The following PHF5A variants were observed in gnomAD, a reference collection of about 807,000 sequenced individuals.
The protein encoded by PHF5A is PHD finger-like domain-containing protein 5A.
For synonymous variants in PHF5A, 52 were observed against 46.0 expected (o/e 1.13, Z -0.52); for missense variants, 24 against 140.6 (o/e 0.17, Z 4.19).
At chr22:41,462,600 A>G (rs1211692514) in intron 3 of PHF5A, among the ~76,000 whole-genome samples, 1 of 152,218 alleles carries the variant, frequency 6.6e-6, no homozygotes, top group African/African-American at 2.4e-5. Flanking sequence ...AAGGCCTGAT[A>G]TTAGACATAA....
At position 41,468,115 on chromosome 22, in the gene PHF5A, T is replaced by A. The variant is rs373583942; in HGVS notation, c.76+9A>T. The A allele has an allele frequency of 2.4e-5, 39 of 1,613,714 alleles. No individual in the cohort carries two copies. The Middle Eastern group carries it at 4.9e-4, about 20-fold the overall frequency. On this transcript the variant is annotated intron_variant, in intron 2 of 3. Coordinates refer to ENST00000216252, the MANE Select transcript of PHF5A (RefSeq NM_032758.4). ...AGGGTGGGTTGTTGGGACGGTGTGT[T>A]CCACTCACATTTTTCACACAGTCTT...
At position 41,468,612 on chromosome 22, in the gene PHF5A, C is replaced by T. The variant is rs1323099152; in HGVS notation, c.42G>A (p.Gln14=). The change falls in exon 1 of 4, where the codon CAG becomes CAA. Residue 14 remains glutamine (Q), a synonymous_variant. Transcript: ENST00000216252. ...AGGGCGCAGTCTCACCAACACCAGC[C>T]TGCTTGCGGCAAAAGATCAAATCAG... is the stretch of plus-strand genomic sequence containing the variant. The part of the protein sequence containing the change: ...HHPDLIFCRK[Q]AGVAIGRLCE... The T allele has an allele frequency of 6.2e-7, 1 of 1,614,192 alleles. No homozygotes were observed. The highest frequency in any genetic ancestry group is 1.7e-5 in the Admixed American group (1 of 60,016).
At position 41,465,513 on chromosome 22, in the gene PHF5A, C is replaced by A. The variant is rs146464964; in HGVS notation, c.243+1935G>T. Reference sequence around the variant, plus strand: ...ATCTCTCCCACTTACTGGGGGTAGGCAGGATCCAAGTGCGTGAAATGAGGT... The same window carrying A: ...ATCTCTCCCACTTACTGGGGGTAGGAAGGATCCAAGTGCGTGAAATGAGGT... On this transcript the variant is annotated intron_variant, in intron 3 of 3. Transcript: ENST00000216252. 2.6e-5 allele frequency among the ~76,000 whole-genome samples: 4 copies of A among 152,270 alleles called. No homozygotes were observed. In the East Asian group the frequency reaches 7.7e-4, roughly 29 times the overall value.
chr22:41,465,453 G>A (rs2037858387), intron 3 of PHF5A, among the ~76,000 whole-genome samples: 1 of 152,132 alleles, frequency 6.6e-6, no homozygotes, highest in Admixed American at 6.5e-5. Flanking sequence ...ATGAGCCACT[G>A]TGCCTGGCCC....
At chr22:41,468,391 C>T in intron 1 of PHF5A, 1 of 652,066 alleles carries the variant, frequency 1.5e-6, no homozygotes, top group Non-Finnish European at 2.7e-6. Flanking sequence ...ACCCCACCCC[C>T]CGATACCTGC....
chr22:41,467,426 A>G, intron 3 of PHF5A, 22 bp downstream of exon 3: 1 of 1,611,580 alleles, frequency 6.2e-7, no homozygotes, highest in Non-Finnish European at 8.5e-7. Context: ...AGGAAAGGTC[A>G]GATGGAAAGC....
intron 3 of PHF5A, among the ~76,000 whole-genome samples, chr22:41,463,141 G>A: frequency 6.6e-6 from 1 of 151,862 alleles, no homozygotes; most frequent in African/African-American, 2.4e-5. Flanking sequence ...CAAAGCGCTG[G>A]GATTACAGGC....
intron 3 of PHF5A, among the ~76,000 whole-genome samples, chr22:41,465,277 A>G (rs149326707): frequency 1.3e-5 from 2 of 152,128 alleles, no homozygotes; most frequent in East Asian, 3.9e-4. Context: ...TCCTGGGTTC[A>G]AGCGATTCTC....
intron 3 of PHF5A, among the ~76,000 whole-genome samples, chr22:41,462,601 T>C (rs1034352307): frequency 6.6e-6 from 1 of 152,196 alleles, no homozygotes; most frequent in Non-Finnish European, 1.5e-5. Context: ...AGGCCTGATA[T>C]TAGACATAAT....
chr22:41,463,611 G>C (rs2037843037), intron 3 of PHF5A, among the ~76,000 whole-genome samples: 1 of 59,588 alleles, frequency 1.7e-5, no homozygotes, highest in Admixed American at 1.1e-4. Flanking sequence ...TGTAATCCCA[G>C]CTACTCAGGG....
intron 1 of PHF5A, 196 bp downstream of exon 1, chr22:41,468,406 G>A (rs968944466): frequency 1.5e-6 from 1 of 664,108 alleles, no homozygotes; most frequent in Non-Finnish European, 2.6e-6. Context: ...ACCTGCCTGG[G>A]GCTCCCAGCA....
intron 3 of PHF5A, among the ~76,000 whole-genome samples, chr22:41,463,592 G>A (rs546320130): frequency 7.5e-6 from 1 of 133,320 alleles, no homozygotes; most frequent in South Asian, 2.4e-4. Context: ...AGGCGTGGTG[G>A]TGCACGCCTG....
At chr22:41,463,203 C>T (rs1056407677) in intron 3 of PHF5A, among the ~76,000 whole-genome samples, 1 of 151,844 alleles carries the variant, frequency 6.6e-6, no homozygotes, top group Non-Finnish European at 1.5e-5. Context: ...ATGGTAGGCT[C>T]CTGCCCAGCC....
intron 3 of PHF5A, 59 bp from the exon 4 acceptor site, chr22:41,460,546 G>T (rs1173314060): frequency 1.4e-6 from 2 of 1,433,876 alleles, no homozygotes; most frequent in African/African-American, 1.4e-5. Context: ...AGTGACTTAA[G>T]ATAAAAAATT....
rs1555884806 is a variant in PHF5A at position 41,459,917 on chromosome 22, C to CCG, written c.*480_*481insCG. 4 of 113,482 alleles carry CCG rather than the reference C, an allele frequency of 3.5e-5. No homozygotes were observed. Among genetic ancestry groups the CCG allele is most frequent in the Admixed American group, 1.8e-4 (2 of 11,220 alleles). The allele number at this position is 113,482 out of a possible 1,614,324, so 7.0% of individuals were successfully genotyped here. A position where few individuals can be genotyped will look rare whatever the true frequency, so the allele number is the denominator to read the frequency against. ...AGAGCCCTGCCCCCCCACCCCCCCCCCAAAAAAAACGGGAAATGCCTACAT... is the reference window on the plus strand; with the variant it reads ...AGAGCCCTGCCCCCCCACCCCCCCCCCGCAAAAAAAACGGGAAATGCCTACAT... On this transcript the variant is annotated 3_prime_UTR_variant, in exon 4 of 4. Coordinates refer to ENST00000216252, the MANE Select transcript of PHF5A (RefSeq NM_032758.4).
chr22:41,468,169 A>G, intron 1 of PHF5A, 22 bp from the exon 2 acceptor site: 1 of 1,613,606 alleles, frequency 6.2e-7, no homozygotes, highest in Non-Finnish European at 8.5e-7. Flanking sequence ...AAGATGGTAA[A>G]AAGTACAATT....
chr22:41,461,372 G>T (rs529644183), intron 3 of PHF5A, among the ~76,000 whole-genome samples: 1 of 150,126 alleles, frequency 6.7e-6, no homozygotes, highest in Non-Finnish European at 1.5e-5. Context: ...CTATGACACA[G>T]TTGAGGTAGA....
chr22:41,466,876 C>G lies in PHF5A; in HGVS notation c.243+572G>C, dbSNP rs555247124. ...TGGCGCATGCCTGTAGTCCCAGCTACTTGGGAGGATGAGATGGGAGGATCG... is the reference window on the plus strand; with the variant it reads ...TGGCGCATGCCTGTAGTCCCAGCTAGTTGGGAGGATGAGATGGGAGGATCG... On this transcript the variant is annotated intron_variant, in intron 3 of 3. Coordinates refer to ENST00000216252, the MANE Select transcript of PHF5A (RefSeq NM_032758.4). Among the ~76,000 whole-genome samples the G allele has an allele frequency of 2.0e-5, 3 of 151,946 alleles. No individual in the cohort carries two copies. The East Asian group carries it at 5.8e-4, about 30-fold the overall frequency.
chr22:41,465,061 T>C (rs920716340), intron 3 of PHF5A, among the ~76,000 whole-genome samples: 1 of 152,200 alleles, frequency 6.6e-6, no homozygotes, highest in Admixed American at 6.5e-5. Context: ...GACTTGATAG[T>C]TGAAGGTAAA....
Sources: allele counts gnomAD v4.1 joint callset (sites outside exome capture counted in the v4.1 genomes callset), GRCh38; gene constraint gnomAD v4.1.1; transcripts MANE v1.5; gene names NCBI Gene and HGNC (gene_info 2026-07-23, HGNC 2026-07-21).